The following IL10RB variants were observed in gnomAD, a reference collection of about 807,000 sequenced individuals.
IL10RB encodes interleukin 10 receptor subunit beta, also known as interleukin-10 receptor subunit beta.
In IL10RB, 30 loss-of-function variants were observed where a neutral mutation model predicts 38.7. The ratio of observed to expected loss-of-function variants is 0.78; its 90% confidence interval spans 0.58 to 1.05. The LOEUF (loss-of-function observed/expected upper bound fraction) is 1.05, where lower values mean the gene tolerates loss of function less well. Ranked by LOEUF, IL10RB falls within the 50% of genes least tolerant of loss-of-function variation. The pLI, the probability that IL10RB is intolerant of heterozygous loss-of-function variation, is 0.00. For missense variants in IL10RB, 328 were observed against 397.1 expected, an observed-to-expected ratio of 0.83 and a Z score of 1.48; for synonymous variants, 142 against 145.9, an observed-to-expected ratio of 0.97 and a Z score of 0.19.
At chr21:33,297,874 T>C (rs188220668), downstream of IL10RB, among the ~76,000 whole-genome samples, 19 of 151,996 alleles carry the variant, frequency 1.3e-4, no homozygotes, top group Middle Eastern at 6.8e-3. Flanking sequence ...AAAGGAAGGG[T>C]ATTAGGGTTC....
rs141328537 is a variant in IL10RB at position 33,283,143 on chromosome 21, C to A, written c.548C>A (p.Pro183Gln). The change falls in exon 5 of 7, where the codon CCA (proline) becomes CAA (glutamine). Residue 183 changes from proline (P) to glutamine (Q), a missense_variant. Pro to Gln is a moderately conservative substitution (Grantham distance 76, BLOSUM62 -1). Coordinates refer to ENST00000290200, the MANE Select transcript of IL10RB (RefSeq NM_000628.5). Reference protein sequence around the residue: ...YDFEVLRNLEPWTTYCVQVRG... With the variant: ...YDFEVLRNLEQWTTYCVQVRG... ...TTTGAGGTCCTCAGAAACCTGGAGC[C>A]ATGGACAACTTATTGTGTTCAAGTT... 14 of 1,613,758 alleles carry A rather than the reference C, an allele frequency of 8.7e-6. No individual in the cohort carries two copies. Among genetic ancestry groups the A allele is most frequent in the African/African-American group, 2.7e-5 (2 of 75,010 alleles).
In IL10RB at chr21:33,277,725, G is replaced by A. The variant is rs566756337; in HGVS notation, c.331+972G>A. Among the ~76,000 whole-genome samples the A allele has an allele frequency of 1.1e-4, 14 of 130,522 alleles. No individual in the cohort carries two copies. The East Asian group carries it at 3.1e-3, about 29-fold the overall frequency. 85.6% of individuals were successfully genotyped at this position (130,522 alleles called of 152,430 possible). A position where few individuals can be genotyped will look rare whatever the true frequency, so the allele number is the denominator to read the frequency against. On this transcript the variant is annotated intron_variant, in intron 3 of 6. Coordinates refer to ENST00000290200, the MANE Select transcript of IL10RB (RefSeq NM_000628.5). ...CTCACTCTGACACCCAGGCTGAAGTGCAGTGGCGCGATCTCAGATCACTGC... is the reference window on the plus strand; with the variant it reads ...CTCACTCTGACACCCAGGCTGAAGTACAGTGGCGCGATCTCAGATCACTGC...
chr21:33,303,797 T>C (rs752458892), intron 1 of IL10RB, among the ~76,000 whole-genome samples: 56 of 152,160 alleles, frequency 3.7e-4, no homozygotes, highest in South Asian at 8.3e-4. Flanking sequence ...GCTCTGGCCT[T>C]TGGCAGGAGG....
chr21:33,307,086 C>T (rs2083000711), intron 1 of IL10RB, among the ~76,000 whole-genome samples: 1 of 152,190 alleles, frequency 6.6e-6, no homozygotes, highest in Admixed American at 6.5e-5. Flanking sequence ...CCCCTGGCCT[C>T]CATTCCTCTG....
At chr21:33,305,867 T>C (rs555252311) in intron 1 of IL10RB, among the ~76,000 whole-genome samples, 66 of 152,290 alleles carry the variant, frequency 4.3e-4, no homozygotes, top group Admixed American at 1.3e-3. Context: ...AGTCTTGCTC[T>C]GTTGCTCAGG....
intron 5 of IL10RB, among the ~76,000 whole-genome samples, chr21:33,286,475 G>A (rs1261166310): frequency 1.3e-5 from 2 of 152,166 alleles, no homozygotes; most frequent in African/African-American, 4.8e-5. Flanking sequence ...AGCAACCCAG[G>A]TGACATCCTG....
In IL10RB at chr21:33,305,504, G is replaced by A. The variant is rs760007779; in HGVS notation, c.130-3472G>A. Among the ~76,000 whole-genome samples, 3 of 152,114 alleles carry A rather than the reference G, an allele frequency of 2.0e-5. No individual in the cohort carries two copies. In the East Asian group the frequency reaches 5.8e-4, roughly 29 times the overall value. On this transcript the variant is annotated intron_variant, in intron 1 of 1. Coordinates refer to the IL10RB transcript ENST00000609556. ...CCTATCAATAGGTCAGAGTCCTAAC[G>A]GGAAACCCATGACACACTCCAACAG...
At chr21:33,273,125 G>A (rs1989110281) in intron 2 of IL10RB, among the ~76,000 whole-genome samples, 1 of 152,186 alleles carries the variant, frequency 6.6e-6, no homozygotes, top group South Asian at 2.1e-4. Context: ...AGATGGTGTA[G>A]CCTCGTATAC....
At chr21:33,267,513 T>G (rs1464828917) in intron 1 of IL10RB, among the ~76,000 whole-genome samples, 3 of 85,336 alleles carry the variant, frequency 3.5e-5, no homozygotes, top group Non-Finnish European at 5.9e-5. Flanking sequence ...TTTTTTTGTT[T>G]TTTTGTTTTT....
chr21:33,299,538 TG>T (rs35549349), downstream of IL10RB, among the ~76,000 whole-genome samples: 1 of 152,192 alleles, frequency 6.6e-6, no homozygotes, highest in Admixed American at 6.5e-5. Context: ...CACTTCCTTT[TG>T]GGGCTCCTGC....
chr21:33,266,625 C>A, intron 1 of IL10RB, 111 bp downstream of exon 1: 2 of 1,094,400 alleles, frequency 1.8e-6, no homozygotes, highest in Non-Finnish European at 2.6e-6. Context: ...CCTTCGGGGC[C>A]TCGGGAGAGA....
In IL10RB at chr21:33,268,144, T is replaced by G; in HGVS notation, c.50-250T>G. 2.4e-6 allele frequency: 3 copies of G among 1,227,992 alleles called. No individual in the cohort carries two copies. In the East Asian group the frequency reaches 8.9e-5, roughly 36 times the overall value. The allele number at this position is 1,227,992 out of a possible 1,614,324, so 76.1% of individuals were successfully genotyped here. A position where few individuals can be genotyped will look rare whatever the true frequency, so the allele number is the denominator to read the frequency against. ...CCCACCCTACCCCCTCATAGCTTTC[T>G]GCCACCAGACAAATCCAAGGCTCCT... On this transcript the variant is annotated intron_variant, in intron 1 of 6. Transcript: ENST00000290200.
intron 6 of IL10RB, 115 bp downstream of exon 6, chr21:33,288,376 C>A: frequency 1.4e-6 from 1 of 717,794 alleles, no homozygotes. Flanking sequence ...CACACACGCG[C>A]GCGCGCACAC....
At chr21:33,272,221 TTAGAC>T (rs1246742906) in intron 2 of IL10RB, among the ~76,000 whole-genome samples, 1 of 152,204 alleles carries the variant, frequency 6.6e-6, no homozygotes, top group Non-Finnish European at 1.5e-5. Flanking sequence ...ATGTGCTACC[TTAGAC>T]TATGAAGTCA....
In IL10RB at chr21:33,305,087, A is replaced by G. The variant is rs538315862; in HGVS notation, c.130-3889A>G. The stretch of plus-strand genomic sequence containing the variant: ...CTCGTGGGAGGAAGTACCATCTCCT[A>G]TCCCTGGTTCTAAGTCTTCAACTGT... On this transcript the variant is annotated intron_variant, in intron 1 of 1. Coordinates refer to the IL10RB transcript ENST00000609556. Among the ~76,000 whole-genome samples the G allele has an allele frequency of 6.6e-5, 10 of 152,230 alleles. No individual in the cohort carries two copies. In the South Asian group the frequency reaches 1.9e-3, roughly 28 times the overall value.
At chr21:33,283,334 A>C in intron 5 of IL10RB, 93 bp downstream of exon 5, 2 of 1,320,246 alleles carry the variant, frequency 1.5e-6, no homozygotes, top group Non-Finnish European at 1.1e-6. Flanking sequence ...ATTCCAGCTC[A>C]GTTCAGAAAT....
rs374876614 is a variant in IL10RB at position 33,276,246 on chromosome 21, G to A, written c.174-350G>A. Among the ~76,000 whole-genome samples the A allele has an allele frequency of 1.1e-3, 161 of 152,266 alleles. 1 individual carries two copies. The highest frequency in any genetic ancestry group is 6.0e-3 in the South Asian group (29 of 4,824). On this transcript the variant is annotated intron_variant, in intron 2 of 6. Transcript: ENST00000290200. The stretch of plus-strand genomic sequence containing the variant: ...TTGTATATGTGGTCTGTCATCTACC[G>A]AAATGTCATTATGCAGCACATGACT...
At position 33,277,611 on chromosome 21, in the gene IL10RB, A is replaced by AGGCTGAGG. The variant is rs551181550; in HGVS notation, c.331+859_331+866dup. ...ACGTCTATGATCCCAACACTTTGGG[A>AGGCTGAGG]GGCTGAGGTGGTGGATCACTTGAGC... On this transcript the variant is annotated intron_variant, in intron 3 of 6. Coordinates refer to ENST00000290200, the MANE Select transcript of IL10RB (RefSeq NM_000628.5). 4.0e-4 allele frequency among the ~76,000 whole-genome samples: 60 copies of AGGCTGAGG among 148,402 alleles called. 1 individual carries two copies. In the South Asian group the frequency reaches 6.6e-3, roughly 16 times the overall value.
At chr21:33,297,709 A>T (rs1457944579), downstream of IL10RB, among the ~76,000 whole-genome samples, 1 of 152,064 alleles carries the variant, frequency 6.6e-6, no homozygotes, top group Non-Finnish European at 1.5e-5. Flanking sequence ...GCTACTCAGG[A>T]GGCTGAGGTG....
Sources: allele counts gnomAD v4.1 joint callset (sites outside exome capture counted in the v4.1 genomes callset), GRCh38; gene constraint gnomAD v4.1.1; transcripts MANE v1.5; gene names NCBI Gene and HGNC (gene_info 2026-07-23, HGNC 2026-07-21).